The following PCDHA7 variants were observed in gnomAD, a reference collection of about 807,000 sequenced individuals.
PCDHA7 encodes protocadherin alpha-7.
A neutral mutation model predicts 57.2 loss-of-function variants in PCDHA7; 37 were observed. The observed-to-expected ratio is 0.65, with a 90% confidence interval of 0.50 to 0.85. PCDHA7 has a LOEUF of 0.85. Ranked by LOEUF, PCDHA7 falls within the 40% of genes least tolerant of loss-of-function variation. The pLI is 0.00. For missense variants in PCDHA7, 1,188 were observed against 1,241.8 expected (o/e 0.96, Z 0.65); for synonymous variants, 553 against 558.8 (o/e 0.99, Z 0.15).
At chr5:140,981,537 G>A (rs375537131) in intron 2 of PCDHA7, among the ~76,000 whole-genome samples, 2 of 152,172 alleles carry the variant, frequency 1.3e-5, no homozygotes, top group East Asian at 1.9e-4. Flanking sequence ...TCGTGCCACT[G>A]TACTCCAGCC....
At chr5:140,868,420 A>C (rs1554161960) in intron 1 of PCDHA7, 1 of 152,238 alleles carries the variant, frequency 6.6e-6, no homozygotes, top group Non-Finnish European at 1.5e-5. Flanking sequence ...AAGCCCACAG[A>C]GATGAGAATA....
chr5:140,942,540 G>C lies in PCDHA7; in HGVS notation c.2356-36409G>C, dbSNP rs1013086382. Among the ~76,000 whole-genome samples the C allele has an allele frequency of 8.5e-5, 13 of 152,164 alleles. No homozygotes were observed. In the South Asian group the frequency reaches 1.5e-3, roughly 17 times the overall value. ...GGGGAAGCAACTAACTCAGTATGGT[G>C]GGGGGTAGGGGGTTGAGGCAGAAAA... On this transcript the variant is annotated intron_variant, in intron 1 of 3. Transcript: ENST00000525929.
intron 1 of PCDHA7, among the ~76,000 whole-genome samples, chr5:140,945,070 C>T (rs2093734077): frequency 6.6e-6 from 1 of 151,960 alleles, no homozygotes; most frequent in African/African-American, 2.4e-5. Context: ...ACAGACTCCA[C>T]CAAAACACTC....
intron 1 of PCDHA7, chr5:140,969,185 A>G (rs782632936): frequency 1.9e-6 from 3 of 1,613,974 alleles, no homozygotes; most frequent in South Asian, 1.1e-5. Context: ...TGACACTTTC[A>G]TGTTTTACAA....
chr5:140,886,689 G>T (rs1267444522), intron 1 of PCDHA7, among the ~76,000 whole-genome samples: 1 of 152,022 alleles, frequency 6.6e-6, no homozygotes, highest in Admixed American at 6.5e-5. Context: ...AGCGAGGCAT[G>T]GTGGCACGCG....
chr5:140,876,524 T>C (rs2056397184), intron 1 of PCDHA7: 1 of 1,614,018 alleles, frequency 6.2e-7, no homozygotes, highest in African/African-American at 1.3e-5. Flanking sequence ...CCTGAAGTAA[T>C]GGTTACTTCA....
At chr5:140,890,688 T>C (rs570229410) in intron 1 of PCDHA7, among the ~76,000 whole-genome samples, 4 of 152,334 alleles carry the variant, frequency 2.6e-5, no homozygotes, top group Admixed American at 2.6e-4. Flanking sequence ...TTCTGGGAAA[T>C]GCAGGGACCT....
chr5:140,853,310 T>C lies in PCDHA7; in HGVS notation c.2355+16572T>C, dbSNP rs2042704013. On this transcript the variant is annotated intron_variant, in intron 1 of 3. Coordinates refer to ENST00000525929, the MANE Select transcript of PCDHA7 (RefSeq NM_018910.3). ...ATTCTCAGAAGGGCTGTGAACACCT[T>C]AGTAATAAATTTATCTTTTGAGGTC... The C allele has an allele frequency of 3.0e-6, 3 of 983,796 alleles. 1 individual carries two copies. The highest frequency in any genetic ancestry group is 3.7e-6 in the Non-Finnish European group (3 of 816,256). 60.9% of individuals were successfully genotyped at this position (983,796 alleles called of 1,614,324 possible). A position where few individuals can be genotyped will look rare whatever the true frequency, so the allele number is the denominator to read the frequency against.
chr5:140,984,389 A>T (rs1346769556), intron 3 of PCDHA7, among the ~76,000 whole-genome samples: 2 of 152,208 alleles, frequency 1.3e-5, no homozygotes, highest in African/African-American at 4.8e-5. Flanking sequence ...AGATTCAAAA[A>T]ATGTTGAGAA....
At chr5:140,896,599 A>G (rs1247154870) in intron 1 of PCDHA7, among the ~76,000 whole-genome samples, 1 of 151,478 alleles carries the variant, frequency 6.6e-6, no homozygotes, top group African/African-American at 2.4e-5. Context: ...CTGGTCTCGA[A>G]CTCCTGGTCT....
chr5:140,910,652 T>C (rs2075120001), intron 1 of PCDHA7, among the ~76,000 whole-genome samples: 1 of 152,204 alleles, frequency 6.6e-6, no homozygotes, highest in Non-Finnish European at 1.5e-5. Flanking sequence ...TTTTGATCCC[T>C]TCCTCTACAT....
rs375305711 is a variant in PCDHA7 at position 140,857,742 on chromosome 5, T to C, written c.2355+21004T>C. 63 of 1,597,390 alleles carry C rather than the reference T, an allele frequency of 3.9e-5. No homozygotes were observed. In the East Asian group the frequency reaches 5.1e-4, roughly 13 times the overall value. On this transcript the variant is annotated intron_variant, in intron 1 of 3. Coordinates refer to ENST00000525929, the MANE Select transcript of PCDHA7 (RefSeq NM_018910.3). Reference sequence around the variant, plus strand: ...GAGAACGACAACGCTCCCGCGCTGCTGGCGTCTCCCGCTGGCAGCGCGGGC... The same window carrying C: ...GAGAACGACAACGCTCCCGCGCTGCCGGCGTCTCCCGCTGGCAGCGCGGGC...
At chr5:140,876,876 C>T (rs1439703522) in intron 1 of PCDHA7, 1 of 1,614,012 alleles carries the variant, frequency 6.2e-7, no homozygotes, top group Non-Finnish European at 8.5e-7. Context: ...AGGAGAACAA[C>T]CCGCCGGGCT....
At chr5:140,922,888 C>A (rs1584282377) in intron 1 of PCDHA7, among the ~76,000 whole-genome samples, 1 of 152,236 alleles carries the variant, frequency 6.6e-6, no homozygotes, top group South Asian at 2.1e-4. Flanking sequence ...AGACATCATT[C>A]AAGAAAAAAT....
In PCDHA7 at chr5:140,858,048, C is replaced by G. The variant is rs1203574330; in HGVS notation, c.2355+21310C>G. 9.4e-6 allele frequency: 15 copies of G among 1,597,302 alleles called. 2 individuals carry two copies. Among genetic ancestry groups the G allele is most frequent in the Non-Finnish European group, 1.2e-5 (14 of 1,167,436 alleles). On this transcript the variant is annotated intron_variant, in intron 1 of 3. Transcript: ENST00000525929. ...ACGGCCACGGCCACTGTGCTTGTGT[C>G]GCTTGTGGAGGGCAGCCAGGCACCC...
At chr5:140,990,778 T>C (rs2097414170) in intron 3 of PCDHA7, among the ~76,000 whole-genome samples, 1 of 152,208 alleles carries the variant, frequency 6.6e-6, no homozygotes, top group South Asian at 2.1e-4. Flanking sequence ...GGCTCTGTGT[T>C]GGACGATGAA....
At chr5:140,842,869 G>A (rs1562404536) in intron 1 of PCDHA7, 1 of 1,594,118 alleles carries the variant, frequency 6.3e-7, no homozygotes, top group Non-Finnish European at 8.6e-7. Context: ...AGAGCGGCAA[G>A]GTGTACGCGC....
At chr5:140,967,910 A>G (rs2096197842) in intron 1 of PCDHA7, 1 of 1,613,996 alleles carries the variant, frequency 6.2e-7, no homozygotes, top group Non-Finnish European at 8.5e-7. Flanking sequence ...TACACCCAAC[A>G]CCATTGTGGC....
chr5:140,957,281 T>A (rs1317654133), intron 1 of PCDHA7, among the ~76,000 whole-genome samples: 3 of 152,178 alleles, frequency 2.0e-5, no homozygotes, highest in Non-Finnish European at 2.9e-5. Flanking sequence ...CCCCCTTACC[T>A]GCAGTTTCAC....
Sources: gnomAD v4.1 joint callset for allele counts (sites outside exome capture counted in the v4.1 genomes callset) on GRCh38, gnomAD v4.1.1 for gene constraint, MANE v1.5 for transcripts, NCBI Gene and HGNC (gene_info 2026-07-23, HGNC 2026-07-21) for gene names.